The following CFAP299 variants were observed in gnomAD, a reference collection of about 807,000 sequenced individuals.
CFAP299 encodes cilia- and flagella-associated protein 299.
Under a neutral mutation model 27.0 loss-of-function variants are expected in CFAP299, and 21 were observed. The ratio of observed to expected loss-of-function variants is 0.78; its 90% confidence interval spans 0.55 to 1.12. CFAP299 has a LOEUF of 1.12. CFAP299 is among the 50% of genes most tolerant of loss of function. CFAP299 has a pLI of 0.00. For missense variants in CFAP299, 310 were observed against 276.6 expected (o/e 1.12, Z -0.86); for synonymous variants, 104 against 98.1 (o/e 1.06, Z -0.36).
intron 5 of CFAP299, 119 bp from the exon 6 acceptor site, chr4:80,963,398 T>C (rs1578272143): frequency 3.1e-6 from 2 of 652,942 alleles, no homozygotes; most frequent in East Asian, 5.8e-5. Context: ...TATATCTCCG[T>C]GGAAACAAAC....
chr4:80,388,192 G>T, intron 2 of CFAP299: 1 of 693,608 alleles, frequency 1.4e-6, no homozygotes, highest in East Asian at 2.7e-5. Flanking sequence ...GTGAAGGCTA[G>T]GTGAGGTGGC....
At chr4:80,647,461 A>T (rs1456120618) in intron 3 of CFAP299, among the ~76,000 whole-genome samples, 1 of 152,124 alleles carries the variant, frequency 6.6e-6, no homozygotes, top group Non-Finnish European at 1.5e-5. Context: ...TGTGGAGTCC[A>T]AATATTGCTA....
chr4:80,513,405 T>A (rs1196007615), intron 2 of CFAP299, among the ~76,000 whole-genome samples: 1 of 152,114 alleles, frequency 6.6e-6, no homozygotes, highest in Admixed American at 6.6e-5. Flanking sequence ...CCATATTCCT[T>A]AAAGTAAAAG....
intron 3 of CFAP299, among the ~76,000 whole-genome samples, chr4:80,774,552 G>A (rs1409195554): frequency 1.3e-5 from 2 of 151,898 alleles, no homozygotes; most frequent in Non-Finnish European, 2.9e-5. Flanking sequence ...AGAATTAGAA[G>A]TGGTCAATAA....
At chr4:80,897,249 C>T (rs1734652191) in intron 4 of CFAP299, among the ~76,000 whole-genome samples, 2 of 152,202 alleles carry the variant, frequency 1.3e-5, no homozygotes, top group East Asian at 1.9e-4. Flanking sequence ...AGAGATTAAA[C>T]ATTTCTAAAA....
chr4:80,563,384 A>C (rs778194501), intron 2 of CFAP299, among the ~76,000 whole-genome samples: 4 of 152,174 alleles, frequency 2.6e-5, no homozygotes, highest in Admixed American at 6.6e-5. Context: ...AGAAATTAAT[A>C]AAAAGAATAA....
intron 3 of CFAP299, among the ~76,000 whole-genome samples, chr4:80,816,284 T>C (rs1004252109): frequency 3.3e-5 from 5 of 152,090 alleles, no homozygotes; most frequent in Non-Finnish European, 7.4e-5. Flanking sequence ...ATGTGAACTG[T>C]AGCAAAGATA....
intron 2 of CFAP299, among the ~76,000 whole-genome samples, chr4:80,451,978 G>A (rs1728926087): frequency 6.6e-6 from 1 of 152,130 alleles, no homozygotes; most frequent in Non-Finnish European, 1.5e-5. Context: ...TGTAGCTACT[G>A]GCAGGTAGGC....
intron 3 of CFAP299, among the ~76,000 whole-genome samples, chr4:80,807,621 C>T (rs1187613104): frequency 6.6e-6 from 1 of 152,014 alleles, no homozygotes; most frequent in Non-Finnish European, 1.5e-5. Context: ...TACCTTTCAA[C>T]CCTAGGTCAT....
chr4:80,723,299 GT>G (rs1223626113), intron 3 of CFAP299, among the ~76,000 whole-genome samples: 3 of 152,150 alleles, frequency 2.0e-5, no homozygotes, highest in African/African-American at 7.2e-5. Context: ...TACATAAATG[GT>G]TATTGGAGCA....
intron 5 of CFAP299, among the ~76,000 whole-genome samples, chr4:80,946,978 A>G (rs1737508751): frequency 2.0e-5 from 3 of 152,200 alleles, no homozygotes; most frequent in Non-Finnish European, 2.9e-5. Flanking sequence ...TATTTAAACT[A>G]TTTTAGGGCT....
intron 2 of CFAP299, among the ~76,000 whole-genome samples, chr4:80,414,302 C>T (rs1271437955): frequency 6.6e-6 from 1 of 151,688 alleles, no homozygotes; most frequent in Non-Finnish European, 1.5e-5. Flanking sequence ...GATCTCCTGA[C>T]CTCGTGATCC....
At chr4:80,397,457 C>A (rs1305315795) in intron 2 of CFAP299, among the ~76,000 whole-genome samples, 4 of 152,038 alleles carry the variant, frequency 2.6e-5, no homozygotes, top group African/African-American at 9.7e-5. Context: ...TTCTCTAGTT[C>A]TTTTAATTGT....
intron 2 of CFAP299, among the ~76,000 whole-genome samples, chr4:80,527,966 C>T (rs1479670866): frequency 3.9e-5 from 6 of 152,122 alleles, no homozygotes; most frequent in Non-Finnish European, 5.9e-5. Context: ...AGGTAGATAT[C>T]ACCCCAACTT....
intron 4 of CFAP299, among the ~76,000 whole-genome samples, chr4:80,927,266 A>T (rs1233263657): frequency 6.6e-6 from 1 of 151,938 alleles, no homozygotes; most frequent in African/African-American, 2.4e-5. Context: ...TATATTCCTG[A>T]TTCCCCAACC....
At chr4:80,914,542 G>A (rs1219394558) in intron 4 of CFAP299, among the ~76,000 whole-genome samples, 1 of 152,052 alleles carries the variant, frequency 6.6e-6, no homozygotes, top group Non-Finnish European at 1.5e-5. Flanking sequence ...ATTGAAAAAA[G>A]GCTCCTGGAG....
chr4:80,608,413 T>A, intron 3 of CFAP299: 1 of 1,443,620 alleles, frequency 6.9e-7, no homozygotes. Context: ...AAGTTTCCTT[T>A]ACAAGTTAGA....
chr4:80,752,074 C>T (rs1290794646), intron 3 of CFAP299, among the ~76,000 whole-genome samples: 1 of 152,114 alleles, frequency 6.6e-6, no homozygotes, highest in Non-Finnish European at 1.5e-5. Context: ...TCCTGATCTA[C>T]AGGTTGCAAA....
At chr4:80,427,607 A>G (rs1430821616) in intron 2 of CFAP299, among the ~76,000 whole-genome samples, 2 of 152,298 alleles carry the variant, frequency 1.3e-5, no homozygotes, top group African/African-American at 4.8e-5. Context: ...TTGTTTTAAA[A>G]TTGGATCCTC....
Sources: allele counts gnomAD v4.1 joint callset (sites outside exome capture counted in the v4.1 genomes callset), GRCh38; gene constraint gnomAD v4.1.1; transcripts MANE v1.5; gene names NCBI Gene and HGNC (gene_info 2026-07-23, HGNC 2026-07-21).